Variants in COG5 observed in about 807,000 individuals in gnomAD.
The protein encoded by COG5 is component of oligomeric golgi complex 5.
In COG5, 86 loss-of-function variants were observed where a neutral mutation model predicts 110.4. The ratio of observed to expected loss-of-function variants is 0.78; its 90% CI spans 0.65 to 0.93. COG5 has a LOEUF of 0.93. COG5 is among the 40% of genes least tolerant of loss of function. The pLI is 0.00. For synonymous variants in COG5, 360 were observed against 334.6 expected, an observed-to-expected ratio of 1.08 and a Z score of -0.83; for missense variants, 1,077 against 987.0, an observed-to-expected ratio of 1.09 and a Z score of -1.22.
intron 6 of COG5, among the ~76,000 whole-genome samples, chr7:107,431,802 T>C (rs576701779): frequency 6.6e-6 from 1 of 152,076 alleles, no homozygotes; most frequent in Non-Finnish European, 1.5e-5. Context: ...ACCACAGGCA[T>C]GCACCACCAC....
chr7:107,392,601 T>C (rs1790700488), intron 7 of COG5, among the ~76,000 whole-genome samples: 1 of 151,970 alleles, frequency 6.6e-6, no homozygotes, highest in Non-Finnish European at 1.5e-5. Flanking sequence ...ATGAGTTTTC[T>C]GTTTCACTAA....
intron 14 of COG5, among the ~76,000 whole-genome samples, chr7:107,278,431 C>T (rs1041422996): frequency 6.6e-6 from 1 of 152,114 alleles, no homozygotes; most frequent in East Asian, 1.9e-4. Context: ...ACCTCCCACC[C>T]GCCAACAGGC....
At chr7:107,210,983 T>A in intron 20 of COG5, 116 bp downstream of exon 20, 6 of 1,199,268 alleles carry the variant, frequency 5.0e-6, no homozygotes, top group Non-Finnish European at 7.4e-6. Flanking sequence ...AAGATAGACA[T>A]AAGCAACTAA....
intron 16 of COG5, among the ~76,000 whole-genome samples, chr7:107,248,953 T>C (rs925145669): frequency 1.4e-4 from 22 of 152,176 alleles, no homozygotes; most frequent in Non-Finnish European, 2.6e-4. Flanking sequence ...TTTTAACTAT[T>C]AGGTTCAAGG....
intron 6 of COG5, among the ~76,000 whole-genome samples, chr7:107,475,968 AC>A (rs1387405949): frequency 1.3e-5 from 2 of 151,202 alleles, no homozygotes; most frequent in Non-Finnish European, 3.0e-5. Context: ...AACCAAAAAA[AC>A]CTCTGTATAC....
At chr7:107,440,900 A>G (rs1209092147) in intron 6 of COG5, among the ~76,000 whole-genome samples, 5 of 152,184 alleles carry the variant, frequency 3.3e-5, no homozygotes, top group Non-Finnish European at 7.3e-5. Flanking sequence ...TAAAACAACA[A>G]CAACAAACAG....
intron 10 of COG5, among the ~76,000 whole-genome samples, chr7:107,349,982 T>C (rs1043705938): frequency 2.6e-5 from 4 of 152,206 alleles, no homozygotes; most frequent in Admixed American, 6.5e-5. Context: ...CATGAACCAC[T>C]GCACCCAGTC....
intron 19 of COG5, among the ~76,000 whole-genome samples, chr7:107,213,002 G>A (rs1244788128): frequency 6.6e-6 from 1 of 152,140 alleles, no homozygotes; most frequent in Non-Finnish European, 1.5e-5. Flanking sequence ...TGCCTCAAAG[G>A]GAATACTGGA....
At chr7:107,225,899 C>T (rs1236837165) in intron 19 of COG5, among the ~76,000 whole-genome samples, 3 of 151,898 alleles carry the variant, frequency 2.0e-5, no homozygotes, top group Admixed American at 1.3e-4. Flanking sequence ...AAAAATTTGC[C>T]GGGCATGGTG....
chr7:107,403,607 T>C (rs1791600039), intron 7 of COG5, among the ~76,000 whole-genome samples: 2 of 151,684 alleles, frequency 1.3e-5, no homozygotes, highest in South Asian at 2.1e-4. Flanking sequence ...CTTTTTAATA[T>C]GATCCCACAT....
At chr7:107,554,472 G>A in intron 2 of COG5, 130 bp from the exon 3 acceptor site, 2 of 764,550 alleles carry the variant, frequency 2.6e-6, no homozygotes, top group Admixed American at 2.1e-5. Context: ...AAAACCACAG[G>A]TTTTTAAGGT....
intron 6 of COG5, among the ~76,000 whole-genome samples, chr7:107,428,169 G>A (rs1793778590): frequency 6.6e-6 from 1 of 152,142 alleles, no homozygotes; most frequent in Non-Finnish European, 1.5e-5. Context: ...ATGGTATGCG[G>A]ATTTATATAA....
At chr7:107,441,569 C>T (rs901888357) in intron 6 of COG5, among the ~76,000 whole-genome samples, 3 of 152,152 alleles carry the variant, frequency 2.0e-5, no homozygotes, top group African/African-American at 7.2e-5. Flanking sequence ...GAAGATTATT[C>T]CCCTGACTCC....
intron 6 of COG5, among the ~76,000 whole-genome samples, chr7:107,425,439 C>A (rs1401604377): frequency 4.0e-5 from 6 of 150,412 alleles, no homozygotes; most frequent in Admixed American, 3.3e-4. Flanking sequence ...ACCACAGAAT[C>A]TTCATATACA....
intron 6 of COG5, among the ~76,000 whole-genome samples, chr7:107,522,021 T>C (rs1169647051): frequency 1.3e-5 from 2 of 151,816 alleles, no homozygotes; most frequent in African/African-American, 4.8e-5. Flanking sequence ...AGCACAGGAA[T>C]AGAAAACCAA....
At chr7:107,539,465 T>C (rs1471319063) in intron 5 of COG5, among the ~76,000 whole-genome samples, 1 of 152,178 alleles carries the variant, frequency 6.6e-6, no homozygotes, top group African/African-American at 2.4e-5. Flanking sequence ...ATGATCAATT[T>C]CCATGAAATG....
chr7:107,241,186 T>G (rs1196406296), intron 17 of COG5, among the ~76,000 whole-genome samples: 3 of 152,156 alleles, frequency 2.0e-5, no homozygotes, highest in African/African-American at 7.2e-5. Flanking sequence ...CCACTGTTAT[T>G]ATAGAATAAG....
intron 5 of COG5, among the ~76,000 whole-genome samples, chr7:107,531,045 CTT>C (rs11312323): frequency 4.7e-5 from 7 of 148,894 alleles, no homozygotes; most frequent in Middle Eastern, 3.4e-3. Flanking sequence ...CACTTCCTTA[CTT>C]TTTTTTTTTA....
intron 5 of COG5, among the ~76,000 whole-genome samples, chr7:107,535,300 G>A (rs1801505539): frequency 6.6e-6 from 1 of 151,532 alleles, no homozygotes; most frequent in African/African-American, 2.4e-5. Flanking sequence ...TCTAGCAGAA[G>A]ACAAGAAATA....
Sources: allele counts gnomAD v4.1 joint callset (sites outside exome capture counted in the v4.1 genomes callset), GRCh38; gene constraint gnomAD v4.1.1; transcripts MANE v1.5; gene names NCBI Gene and HGNC (gene_info 2026-07-23, HGNC 2026-07-21).